STIM1: variants seen among roughly 807,000 people sequenced by gnomAD.
STIM1 encodes the protein stromal interaction molecule 1.
A neutral mutation model predicts 74.7 loss-of-function variants in STIM1; 25 were observed. The ratio of observed to expected loss-of-function variants is 0.33; its 90% CI spans 0.24 to 0.47. The LOEUF is 0.47. STIM1 is among the 20% of genes least tolerant of loss of function. STIM1 has a pLI of 1.00. For synonymous variants in STIM1, 328 were observed against 348.8 expected (o/e 0.94, Z 0.66); for missense variants, 728 against 920.8 (o/e 0.79, Z 2.71).
chr11:3,872,471 A>G (rs969954889), intron 1 of STIM1, among the ~76,000 whole-genome samples: 8 of 152,102 alleles, frequency 5.3e-5, no homozygotes, highest in Non-Finnish European at 1.2e-4. Context: ...TTTTGAGTAC[A>G]ATATGTTGTC....
chr11:4,028,584 T>G (rs563423205), intron 3 of STIM1, among the ~76,000 whole-genome samples: 4 of 151,754 alleles, frequency 2.6e-5, no homozygotes, highest in Admixed American at 2.6e-4. Flanking sequence ...AATTTTTGTA[T>G]TTTTAGTAGA....
intron 2 of STIM1, among the ~76,000 whole-genome samples, chr11:3,978,152 T>C (rs894951323): frequency 9.3e-5 from 14 of 151,078 alleles, no homozygotes; most frequent in African/African-American, 2.7e-4. Flanking sequence ...TGTGTACTTT[T>C]TTTTTTTTTT....
intron 3 of STIM1, among the ~76,000 whole-genome samples, chr11:4,055,214 C>A (rs1382822543): frequency 6.6e-6 from 1 of 152,170 alleles, no homozygotes; most frequent in African/African-American, 2.4e-5. Context: ...ATTTGTGTAA[C>A]CACCACCACA....
intron 7 of STIM1, among the ~76,000 whole-genome samples, chr11:4,075,425 A>G (rs2094432244): frequency 6.6e-6 from 1 of 152,200 alleles, no homozygotes; most frequent in South Asian, 2.1e-4. Context: ...TACTGTCACA[A>G]CTTGTAAACC....
intron 4 of STIM1, chr11:4,058,761 G>T: frequency 2.1e-6 from 2 of 974,978 alleles, no homozygotes; most frequent in Non-Finnish European, 2.4e-6. Flanking sequence ...TTCCATTTTT[G>T]TCATCAGTGG....
At chr11:3,912,496 C>T in intron 1 of STIM1, among the ~76,000 whole-genome samples, 1 of 151,690 alleles carries the variant, frequency 6.6e-6, no homozygotes, top group East Asian at 1.9e-4. Flanking sequence ...TCCCAAGTAG[C>T]TGGGATTACA....
chr11:3,974,172 C>T lies in STIM1; in HGVS notation c.270+6490C>T, dbSNP rs1191232484. On this transcript the variant is annotated intron_variant, in intron 2 of 12. Coordinates refer to ENST00000526596, the MANE Select transcript of STIM1 (RefSeq NM_001382567.1). ...TGGACCCTCACTGGTCATTTCAAAG[C>T]TCAACTCTCTGATGAAGAACTTCTA... is the stretch of plus-strand genomic sequence containing the variant. The T allele has an allele frequency of 5.1e-5, 28 of 550,236 alleles. 1 individual carries two copies. The South Asian group carries it at 5.4e-4, about 11-fold the overall frequency. The allele number at this position is 550,236 out of a possible 1,614,324, so 34.1% of individuals were successfully genotyped here.
At chr11:3,894,924 T>A (rs1203765834) in intron 1 of STIM1, among the ~76,000 whole-genome samples, 4 of 150,314 alleles carry the variant, frequency 2.7e-5, no homozygotes, top group African/African-American at 4.9e-5. Flanking sequence ...TTTTTTTTTT[T>A]TTTTAGTAGA....
rs760051786 is a variant in STIM1, at chr11:4,082,950, G to A, written c.1206G>A (p.Leu402=). ...GTFHVAHSSS[L]DDVDHKILTA... ...TCCACGTGGCCCACAGCTCTTCCCT[G>A]GATGATGTAGATCATAAAATTCTAA... The change falls in exon 9 of 13, where the codon CTG becomes CTA. Residue 402 remains leucine (L), a synonymous_variant. Coordinates refer to ENST00000526596, the MANE Select transcript of STIM1 (RefSeq NM_001382567.1). 3.3e-5 allele frequency: 54 copies of A among 1,614,066 alleles called. No individual in the cohort carries two copies. The highest frequency in any genetic ancestry group is 4.2e-5 in the Non-Finnish European group (50 of 1,179,972).
chr11:3,933,398 A>G (rs1343133329), intron 1 of STIM1, among the ~76,000 whole-genome samples: 3 of 152,298 alleles, frequency 2.0e-5, no homozygotes, highest in East Asian at 1.9e-4. Flanking sequence ...CTTTTATTCT[A>G]ATTTACAGAT....
At chr11:4,051,513 C>A (rs1440288865) in intron 3 of STIM1, among the ~76,000 whole-genome samples, 1 of 150,974 alleles carries the variant, frequency 6.6e-6, no homozygotes, top group African/African-American at 2.4e-5. Flanking sequence ...TGGCTAATTT[C>A]TGTGTTTTTA....
Position 3,856,094 on chromosome 11 carries a change from A to C in STIM1, c.-177A>C, listed in dbSNP as rs1168070175. On this transcript the variant is annotated 5_prime_UTR_variant, in exon 1 of 13. Transcript: ENST00000526596. ...GAGCCAGCCCTCCTCCCGCACCCAA[A>C]CTTGGAGCACTTGACCTTTGGCTGT... is the stretch of plus-strand genomic sequence containing the variant. 1 of 753,886 alleles carries C rather than the reference A, an allele frequency of 1.3e-6. No individual in the cohort carries two copies. Among genetic ancestry groups the C allele is most frequent in the Non-Finnish European group, 2.2e-6 (1 of 457,334 alleles). The allele number at this position is 753,886 out of a possible 1,614,324, so 46.7% of individuals were successfully genotyped here.
intron 1 of STIM1, among the ~76,000 whole-genome samples, chr11:3,933,880 GA>G (rs1041157616): frequency 2.1e-4 from 32 of 152,312 alleles, no homozygotes; most frequent in African/African-American, 7.7e-4. Context: ...GAGTTTGAAT[GA>G]AAAAGGCATT....
At chr11:3,979,156 T>G (rs1265884420) in intron 2 of STIM1, among the ~76,000 whole-genome samples, 4 of 152,144 alleles carry the variant, frequency 2.6e-5, no homozygotes, top group African/African-American at 7.2e-5. Context: ...GAAGATTAAG[T>G]AGCTGGGTTA....
chr11:4,069,118 G>T (rs1278384628), intron 5 of STIM1, among the ~76,000 whole-genome samples: 1 of 152,126 alleles, frequency 6.6e-6, no homozygotes, highest in Non-Finnish European at 1.5e-5. Context: ...CCTTCTTATA[G>T]TGCCCCTTTC....
intron 1 of STIM1, among the ~76,000 whole-genome samples, chr11:3,939,248 A>G (rs201236954): frequency 1.3e-5 from 2 of 152,178 alleles, no homozygotes; most frequent in East Asian, 3.8e-4. Flanking sequence ...GAGAGAGGAG[A>G]GAGGTGTGAC....
At chr11:4,058,775 A>G in intron 4 of STIM1, 1 of 984,282 alleles carries the variant, frequency 1.0e-6, no homozygotes, top group South Asian at 4.5e-5. Flanking sequence ...TCAGTGGTTA[A>G]TTAAAATTTT....
intron 3 of STIM1, among the ~76,000 whole-genome samples, chr11:4,029,213 A>T (rs2094025879): frequency 6.6e-6 from 1 of 152,006 alleles, no homozygotes; most frequent in South Asian, 2.1e-4. Context: ...ATAAATAAAT[A>T]AAATAAAGTA....
chr11:3,994,885 A>C (rs1214623159), intron 2 of STIM1, among the ~76,000 whole-genome samples: 1 of 152,010 alleles, frequency 6.6e-6, no homozygotes, highest in African/African-American at 2.4e-5. Context: ...TCTCTCTTGA[A>C]GTTTGCTAAT....
Sources: gnomAD v4.1 joint callset for allele counts (sites outside exome capture counted in the v4.1 genomes callset) on GRCh38, gnomAD v4.1.1 for gene constraint, MANE v1.5 for transcripts, NCBI Gene and HGNC (gene_info 2026-07-23, HGNC 2026-07-21) for gene names.